Variants in ARID1A observed in about 807,000 individuals in gnomAD.
ARID1A encodes AT-rich interaction domain 1A, also known as AT-rich interactive domain-containing protein 1A.
ARID1A carries 20 observed loss-of-function variants against 212.6 expected under a neutral mutation model. The observed-to-expected ratio is 0.09, with a 90% CI of 0.07 to 0.14. The LOEUF (loss-of-function observed/expected upper bound fraction) is 0.14. Among genes scored for constraint, ARID1A ranks in the 10% least tolerant of loss-of-function variants. The probability of loss-of-function intolerance (pLI) is 1.00; values close to 1 mark genes in which losing one functional copy is unlikely to be tolerated. For synonymous variants in ARID1A, 1,376 were observed against 1,222.1 expected (o/e 1.13, Z -2.63); for missense variants, 2,587 against 3,059.0 (o/e 0.85, Z 3.64).
chr1:26,763,026 A>G lies in ARID1A; in HGVS notation c.2473A>G (p.Ser825Gly). 1 of 1,612,618 alleles carries G rather than the reference A, an allele frequency of 6.2e-7. No individual in the cohort carries two copies. Among genetic ancestry groups the G allele is most frequent in the Non-Finnish European group, 8.5e-7 (1 of 1,178,718 alleles). The change falls in exon 8 of 20, where the codon AGT becomes GGT. Residue 825 changes from serine to glycine, a missense_variant. Physicochemically the swap from Ser to Gly is moderately conservative, Grantham distance 56. Transcript: ENST00000324856. ...TGCCTTGCCCAATGCCAACTACCCC[A>G]GTGCAGGCATGGCTGGAGGCATAAA... ...YNALPNANYP[S>G]AGMAGGINPM...
In ARID1A at chr1:26,711,492, C is replaced by T. The variant is rs187317017; in HGVS notation, c.1137+13952C>T. 4.6e-5 allele frequency among the ~76,000 whole-genome samples: 7 copies of T among 152,204 alleles called. No homozygotes were observed. In the East Asian group the frequency reaches 1.4e-3, roughly 29 times the overall value. ...CATGACTTAATCTAACCCTAATTAC[C>T]TCCCAAAGGCCCCACCTCCTATTAA... On this transcript the variant is annotated intron_variant, in intron 1 of 19. Transcript: ENST00000324856.
chr1:26,781,130 A>C lies in ARID1A; in HGVS notation c.*374A>C, dbSNP rs1481169558. 4.0e-6 allele frequency: 1 copy of C among 251,780 alleles called. No individual in the cohort carries two copies. Among genetic ancestry groups the C allele is most frequent in the Non-Finnish European group, 7.6e-6 (1 of 131,146 alleles). The allele number at this position is 251,780 out of a possible 1,614,324, so 15.6% of individuals were successfully genotyped here. A position where few individuals can be genotyped will look rare whatever the true frequency, so the allele number is the denominator to read the frequency against. On this transcript the variant is annotated 3_prime_UTR_variant, in exon 20 of 20. Transcript: ENST00000324856. ...CTTTCCCAGTCCTTGCATCAACGGG[A>C]TGCCACATTTCATAACTGTTTTTAA...
In ARID1A at chr1:26,767,993, G is replaced by T; in HGVS notation, c.3192G>T (p.Leu1064Phe). The change falls in exon 11 of 20, where the codon TTG becomes TTT. Residue 1064 changes from leucine to phenylalanine, a missense_variant. By Grantham distance (22) the Leu-to-Phe change is conservative. Around this residue, in one of 11 missense-constraint regions of ARID1A, gnomAD observed 44 missense variants for 99.5 expected, o/e 0.44. Coordinates refer to ENST00000324856, the MANE Select transcript of ARID1A (RefSeq NM_006015.6). Reference protein sequence around the residue: ...LYVSVKEIGGLTQVNKNKKWR... With the variant: ...LYVSVKEIGGFTQVNKNKKWR... Reference sequence around the variant, plus strand: ...TGTCTGTGAAGGAGATTGGTGGATTGACTCAGGTGAGTGGGCGCCTGACAC... The same window carrying T: ...TGTCTGTGAAGGAGATTGGTGGATTTACTCAGGTGAGTGGGCGCCTGACAC... The T allele has an allele frequency of 6.2e-7, 1 of 1,613,706 alleles. No individual in the cohort carries two copies. Among genetic ancestry groups the T allele is most frequent in the South Asian group, 1.1e-5 (1 of 91,012 alleles).
Position 26,731,511 on chromosome 1 carries a change from C to A in ARID1A, c.1710C>A (p.Pro570=), listed in dbSNP as rs564073982. 4 of 1,614,000 alleles carry A rather than the reference C, an allele frequency of 2.5e-6. No homozygotes were observed. Among genetic ancestry groups the A allele is most frequent in the African/African-American group, 1.3e-5 (1 of 74,906 alleles). Residue 570 remains proline (P), a synonymous_variant, in exon 3 of 20, where the codon CCC becomes CCA. Coordinates refer to ENST00000324856, the MANE Select transcript of ARID1A (RefSeq NM_006015.6). ...YQQQQPQQPA[P]STLSQQAAYP... is the part of the protein sequence containing the mutation. ...AGCAGCAACCTCAGCAGCCAGCACCCTCGACGCTCTCCCAGCAGGCTGCGT... is the reference window on the plus strand; with the variant it reads ...AGCAGCAACCTCAGCAGCCAGCACCATCGACGCTCTCCCAGCAGGCTGCGT...
Position 26,696,587 on chromosome 1 carries a change from G to A in ARID1A, c.184G>A (p.Ala62Thr), listed in dbSNP as rs2080256309. 4 of 1,230,118 alleles carry A rather than the reference G, an allele frequency of 3.3e-6. No homozygotes were observed. The highest frequency in any genetic ancestry group is 7.9e-5 in the South Asian group (2 of 25,374). The allele number at this position is 1,230,118 out of a possible 1,614,324, so 76.2% of individuals were successfully genotyped here. A position where few individuals can be genotyped will look rare whatever the true frequency, so the allele number is the denominator to read the frequency against. ...AAAGQESEGP[A>T]VGPPQPLGKE... ...CGCCGGGCAGGAAAGCGAGGGCCCC[G>A]CCGTGGGGCCGCCGCAGCCGCTGGG... Residue 62 changes from alanine (A) to threonine (T), a missense_variant, in exon 1 of 20, where the codon GCC becomes ACC. Physicochemically the swap from Ala to Thr is moderately conservative, Grantham distance 58 (BLOSUM62 0). This residue lies in a region of ARID1A where 735 missense variants were observed against 590.6 expected (regional missense o/e 1.24). Coordinates refer to ENST00000324856, the MANE Select transcript of ARID1A (RefSeq NM_006015.6).
intron 4 of ARID1A, among the ~76,000 whole-genome samples, chr1:26,755,931 G>A (rs2080931543): frequency 2.6e-5 from 4 of 151,934 alleles, no homozygotes; most frequent in Admixed American, 2.6e-4. Flanking sequence ...TTTTAGTAGA[G>A]ACAGGGTTTC....
In ARID1A at chr1:26,779,587, C is replaced by T. The variant is rs557936244; in HGVS notation, c.5689C>T (p.Pro1897Ser). The change falls in exon 20 of 20, where the codon CCC becomes TCC. Residue 1897 changes from proline to serine, a missense_variant. Around this residue, in one of 11 missense-constraint regions of ARID1A, gnomAD observed 890 missense variants for 1,098.2 expected, o/e 0.81. Coordinates refer to ENST00000324856, the MANE Select transcript of ARID1A (RefSeq NM_006015.6). ...GTPGTTDQEG[P>S]PPDGPPEKRI... The stretch of plus-strand genomic sequence containing the variant: ...ACCAGGGACAACAGACCAGGAGGGG[C>T]CCCCACCTGATGGACCTCCAGAAAA... 6.2e-7 allele frequency: 1 copy of T among 1,614,090 alleles called. No individual in the cohort carries two copies.
chr1:26,711,115 T>C (rs2080449564), intron 1 of ARID1A, among the ~76,000 whole-genome samples: 1 of 143,754 alleles, frequency 7.0e-6, no homozygotes, highest in East Asian at 2.0e-4. Context: ...TCTCTTGCTC[T>C]TTTTTTTTTT....
At chr1:26,715,795 C>G (rs977400327) in intron 1 of ARID1A, among the ~76,000 whole-genome samples, 1 of 152,012 alleles carries the variant, frequency 6.6e-6, no homozygotes, top group African/African-American at 2.4e-5. Context: ...ATCACATGAG[C>G]CCTGGAGTTC....
At chr1:26,762,014 T>C in intron 6 of ARID1A, 138 bp from the exon 7 acceptor site, 1 of 984,670 alleles carries the variant, frequency 1.0e-6, no homozygotes, top group South Asian at 1.9e-5. Context: ...GACACACCAC[T>C]ATATAGAAAA....
intron 1 of ARID1A, among the ~76,000 whole-genome samples, chr1:26,724,105 T>C (rs2080593659): frequency 6.6e-6 from 1 of 152,118 alleles, no homozygotes; most frequent in African/African-American, 2.4e-5. Context: ...TTATTAAAAG[T>C]CATATAACAA....
At chr1:26,749,126 C>G (rs555011591) in intron 4 of ARID1A, among the ~76,000 whole-genome samples, 3 of 152,282 alleles carry the variant, frequency 2.0e-5, no homozygotes, top group Admixed American at 6.5e-5. Context: ...GATCGCGCCA[C>G]TGCACTCCAG....
Position 26,729,660 on chromosome 1 carries a change from C to G in ARID1A, c.1147C>G (p.Pro383Ala), listed in dbSNP as rs1295095931. ...GCTCTTTATTTTGTAGCCATCCAGT[C>G]CAATGGATCAGATGGGCAAGATGAG... The part of the protein sequence containing the change: ...PLARTPQPSS[P>A]MDQMGKMRPQ... Residue 383 changes from proline (P) to alanine (A), a missense_variant, in exon 2 of 20, where the codon CCA becomes GCA. By Grantham distance (27) the Pro-to-Ala change is conservative. Transcript: ENST00000324856. 4 of 1,614,062 alleles carry G rather than the reference C, an allele frequency of 2.5e-6. No individual in the cohort carries two copies. Among genetic ancestry groups the G allele is most frequent in the Non-Finnish European group, 3.4e-6 (4 of 1,180,020 alleles).
rs575758533 is a variant in ARID1A, at chr1:26,697,025, C to T, written c.622C>T (p.Pro208Ser). Reference protein sequence around the residue: ...PQQNSHDHGFPNHQYNSYYPN... With the variant: ...PQQNSHDHGFSNHQYNSYYPN... ...GCAGAACTCTCACGACCACGGCTTC[C>T]CCAACCACCAGTACAACTCCTACTA... is the stretch of plus-strand genomic sequence containing the variant. The change falls in exon 1 of 20, where the codon CCC becomes TCC. Residue 208 changes from proline (P) to serine (S), a missense_variant. Around this residue, in one of 11 missense-constraint regions of ARID1A, gnomAD observed 735 missense variants for 590.6 expected, o/e 1.24. Coordinates refer to ENST00000324856, the MANE Select transcript of ARID1A (RefSeq NM_006015.6). 12 of 1,538,166 alleles carry T rather than the reference C, an allele frequency of 7.8e-6. No homozygotes were observed. In the East Asian group the frequency reaches 1.1e-4, roughly 14 times the overall value.
chr1:26,707,459 G>A (rs905615520), intron 1 of ARID1A, among the ~76,000 whole-genome samples: 1 of 151,622 alleles, frequency 6.6e-6, no homozygotes, highest in East Asian at 1.9e-4. Flanking sequence ...TACCCGTCTC[G>A]GCCTCCCAAA....
chr1:26,761,597 T>C, intron 6 of ARID1A, 124 bp downstream of exon 6: 1 of 909,866 alleles, frequency 1.1e-6, no homozygotes, highest in Non-Finnish European at 1.7e-6. Flanking sequence ...AAATTGTTTT[T>C]ATATTCTTTA....
chr1:26,736,322 CAAA>C (rs1159133678), intron 4 of ARID1A, among the ~76,000 whole-genome samples: 3 of 52,444 alleles, frequency 5.7e-5, no homozygotes, highest in African/African-American at 7.1e-5. Flanking sequence ...AACTCCATCT[CAAA>C]AAAAAAAAAA....
At chr1:26,754,592 G>T (rs946202943) in intron 4 of ARID1A, among the ~76,000 whole-genome samples, 3 of 152,164 alleles carry the variant, frequency 2.0e-5, no homozygotes, top group Admixed American at 6.5e-5. Context: ...CTGACTTGTT[G>T]CCAGTTTGCC....
In ARID1A at chr1:26,752,551, T is replaced by TA. The variant is rs137964645; in HGVS notation, c.1921-8304dup. ...TGAAAAGCCAAGTCTCCCAAAAACTTATTTGCCTTAAGTAATTAATTTTGT... is the reference window on the plus strand; with the variant it reads ...TGAAAAGCCAAGTCTCCCAAAAACTTAATTTGCCTTAAGTAATTAATTTTGT... On this transcript the variant is annotated intron_variant, in intron 4 of 19. Coordinates refer to ENST00000324856, the MANE Select transcript of ARID1A (RefSeq NM_006015.6). 1.1e-3 allele frequency among the ~76,000 whole-genome samples: 169 copies of TA among 152,352 alleles called. No individual in the cohort carries two copies. In the East Asian group the frequency reaches 0.024, roughly 21 times the overall value.
Sources: allele counts gnomAD v4.1 joint callset (sites outside exome capture counted in the v4.1 genomes callset), GRCh38; gene constraint gnomAD v4.1.1; regional missense constraint gnomAD v4.1.1; transcripts MANE v1.5; gene names NCBI Gene and HGNC (gene_info 2026-07-23, HGNC 2026-07-21).